Variants in PHF12 observed in about 807,000 individuals in gnomAD.
PHF12 encodes PHD finger protein 12.
In PHF12, 6 loss-of-function variants were observed where a neutral mutation model predicts 99.8. The ratio of observed to expected loss-of-function variants is 0.06; its 90% CI spans 0.03 to 0.12. The LOEUF is 0.12. Ranked by LOEUF, PHF12 falls within the 10% of genes least tolerant of loss-of-function variation. The pLI is 1.00. For synonymous variants in PHF12, 480 were observed against 514.9 expected (o/e 0.93, Z 0.92); for missense variants, 954 against 1,300.1 (o/e 0.73, Z 4.09).
In PHF12 at chr17:28,950,550, G is replaced by A. The variant is rs1047324062; in HGVS notation, c.67-304C>T. On this transcript the variant is annotated intron_variant, in intron 1 of 14. Coordinates refer to ENST00000332830, the MANE Select transcript of PHF12 (RefSeq NM_001033561.2). This position sits in a 1 kb window ranked among gnomAD's most constrained non-coding sequence, Gnocchi z 5.7. The stretch of plus-strand genomic sequence containing the variant: ...TGTATGGACAGTGGGGGACTCCAAA[G>A]ACCCGCTCGGGAGAGGCCCAAAGCC... 57 of 519,464 alleles carry A rather than the reference G, an allele frequency of 1.1e-4. No individual in the cohort carries two copies. The highest frequency in any genetic ancestry group is 1.8e-4 in the Admixed American group (5 of 28,556). 32.2% of individuals were successfully genotyped at this position (519,464 alleles called of 1,614,324 possible). A position where few individuals can be genotyped will look rare whatever the true frequency, so the allele number is the denominator to read the frequency against.
At chr17:28,919,028 G>T in intron 6 of PHF12, 115 bp downstream of exon 6, 2 of 1,336,610 alleles carry the variant, frequency 1.5e-6, no homozygotes, top group Non-Finnish European at 2.0e-6. Context: ...GCAGAAACCA[G>T]TACCTATGAC....
rs894700491 is a variant in PHF12 at position 28,909,166 on chromosome 17, G to A, written c.2360-285C>T. ...CCTGGGCTCCTGGCTGGCTAATCCGGGATATTCCAGCTGGTACTATAGGGA... is the reference window on the plus strand; with the variant it reads ...CCTGGGCTCCTGGCTGGCTAATCCGAGATATTCCAGCTGGTACTATAGGGA... On this transcript the variant is annotated intron_variant, in intron 11 of 14. Transcript: ENST00000332830. 5 of 398,662 alleles carry A rather than the reference G, an allele frequency of 1.3e-5. No individual in the cohort carries two copies. The South Asian group carries it at 1.3e-4, about 10-fold the overall frequency. The allele number at this position is 398,662 out of a possible 1,614,324, so 24.7% of individuals were successfully genotyped here.
intron 3 of PHF12, chr17:28,926,016 T>C (rs1598141237): frequency 6.6e-6 from 1 of 152,214 alleles, no homozygotes. Flanking sequence ...TCTTGGAAGG[T>C]GGAGAGGCTG....
intron 2 of PHF12, among the ~76,000 whole-genome samples, chr17:28,939,344 G>A (rs138563134): frequency 6.6e-6 from 1 of 152,372 alleles, no homozygotes; most frequent in South Asian, 2.1e-4. Flanking sequence ...TAAGATCAGG[G>A]AAAGTTAAAT....
chr17:28,946,834 G>A (rs1055478101), intron 2 of PHF12, among the ~76,000 whole-genome samples: 2 of 151,896 alleles, frequency 1.3e-5, no homozygotes, highest in Non-Finnish European at 2.9e-5. Flanking sequence ...CACCATACTC[G>A]GCTTCAACCT....
Position 28,950,273 on chromosome 17 carries a change from T to A in PHF12, c.67-27A>T. On this transcript the variant is annotated intron_variant, in intron 1 of 14. Transcript: ENST00000332830. The surrounding 1 kb of genome is among the most constrained non-coding windows in gnomAD (Gnocchi z 5.7). ...TGCACACACATACAAACGGCGTGTG[T>A]GCACACTCGGAGCTCCCGGGCGGTC... The A allele has an allele frequency of 6.3e-7, 1 of 1,585,612 alleles. No individual in the cohort carries two copies. The highest frequency in any genetic ancestry group is 2.3e-5 in the East Asian group (1 of 43,830).
At chr17:28,907,312 A>G in intron 13 of PHF12, 1 of 529,574 alleles carries the variant, frequency 1.9e-6, no homozygotes, top group East Asian at 3.3e-5. Flanking sequence ...GCTTCCTTCT[A>G]TGCTGGTCCC....
chr17:28,907,625 C>A lies in PHF12; in HGVS notation c.2506G>T (p.Val836Leu). 1 of 1,613,974 alleles carries A rather than the reference C, an allele frequency of 6.2e-7. No individual in the cohort carries two copies. Among genetic ancestry groups the A allele is most frequent in the Non-Finnish European group, 8.5e-7 (1 of 1,179,920 alleles). The part of the protein sequence containing the change: ...CLTNYGHCNY[V>L]SGKHACIFYD... ...AATATGCAGGCATGTTTCCCGGACACGTAGTTACAGTGACCATAGTTTGTA... is the reference window on the plus strand; with the variant it reads ...AATATGCAGGCATGTTTCCCGGACAAGTAGTTACAGTGACCATAGTTTGTA... Residue 836 changes from valine (V) to leucine (L), a missense_variant, in exon 13 of 15, where the codon GTG becomes TTG. By Grantham distance (32) the Val-to-Leu change is conservative. Around this residue, in one of 8 missense-constraint regions of PHF12, gnomAD observed 143 missense variants for 191.8 expected, o/e 0.75. Coordinates refer to ENST00000332830, the MANE Select transcript of PHF12 (RefSeq NM_001033561.2).
chr17:28,908,480 A>C (rs942673345), intron 12 of PHF12: 2 of 315,714 alleles, frequency 6.3e-6, no homozygotes, highest in East Asian at 6.2e-5. Flanking sequence ...TAGCCCAGCT[A>C]ATTTTTTATA....
intron 3 of PHF12, 168 bp from the exon 4 acceptor site, chr17:28,924,470 C>A (rs2152667224): frequency 3.6e-6 from 3 of 835,544 alleles, no homozygotes; most frequent in Non-Finnish European, 5.6e-6. Context: ...TGACACAACT[C>A]TAACTGAACT....
At chr17:28,942,475 G>A (rs2040635765) in intron 2 of PHF12, among the ~76,000 whole-genome samples, 1 of 152,046 alleles carries the variant, frequency 6.6e-6, no homozygotes, top group Non-Finnish European at 1.5e-5. Context: ...AGTTATGACT[G>A]TGCCACTGCC....
At chr17:28,911,797 T>A (rs2039965568) in intron 9 of PHF12, among the ~76,000 whole-genome samples, 1 of 152,084 alleles carries the variant, frequency 6.6e-6, no homozygotes, top group South Asian at 2.1e-4. Flanking sequence ...ATCTGAAACC[T>A]GGTTCAGATG....
rs557790681 is a variant in PHF12, at chr17:28,921,353, G to A, written c.836+335C>T. The stretch of plus-strand genomic sequence containing the variant: ...CATTAAAAAAATTTTTTTTTGTAGA[G>A]ACAAGGTTTCACTGTGTTGCCCAGG... On this transcript the variant is annotated intron_variant, in intron 5 of 14. Coordinates refer to ENST00000332830, the MANE Select transcript of PHF12 (RefSeq NM_001033561.2). Among the ~76,000 whole-genome samples, 3 of 152,046 alleles carry A rather than the reference G, an allele frequency of 2.0e-5. No individual in the cohort carries two copies. In the South Asian group the frequency reaches 6.2e-4, roughly 32 times the overall value.
intron 11 of PHF12, 125 bp from the exon 12 acceptor site, chr17:28,909,006 C>T (rs978181790): frequency 1.2e-6 from 1 of 863,490 alleles, no homozygotes; most frequent in Non-Finnish European, 1.9e-6. Flanking sequence ...ACTCATCTTT[C>T]CAAACTCACA....
rs1214983529 is a variant in PHF12 at position 28,949,927 on chromosome 17, G to A, written c.248+138C>T. 6 of 1,007,106 alleles carry A rather than the reference G, an allele frequency of 6.0e-6. No homozygotes were observed. In the East Asian group the frequency reaches 1.6e-4, roughly 27 times the overall value. 62.4% of individuals were successfully genotyped at this position (1,007,106 alleles called of 1,614,324 possible). On this transcript the variant is annotated intron_variant, in intron 2 of 14. Transcript: ENST00000332830. This position sits in a 1 kb window ranked among gnomAD's most constrained non-coding sequence, Gnocchi z 4.6. Reference sequence around the variant, plus strand: ...CCCGGCGGACACCTGGGGGCGGGGAGGTGCTCGCCCCGGCAGCTGCAGAAA... The same window carrying A: ...CCCGGCGGACACCTGGGGGCGGGGAAGTGCTCGCCCCGGCAGCTGCAGAAA...
At chr17:28,910,928 T>G (rs2039947952) in intron 10 of PHF12, 184 bp downstream of exon 10, 1 of 754,390 alleles carries the variant, frequency 1.3e-6, no homozygotes, top group East Asian at 2.8e-5. Context: ...AAGGCAGAGC[T>G]ACAGAAGGAG....
At chr17:28,933,458 T>C (rs1006519498) in intron 2 of PHF12, among the ~76,000 whole-genome samples, 1 of 152,240 alleles carries the variant, frequency 6.6e-6, no homozygotes, top group African/African-American at 2.4e-5. Flanking sequence ...CAAATCAAAG[T>C]TTCCTGGCTC....
chr17:28,948,170 T>A (rs1012974625), intron 2 of PHF12, among the ~76,000 whole-genome samples: 1 of 152,234 alleles, frequency 6.6e-6, no homozygotes, highest in African/African-American at 2.4e-5. Flanking sequence ...AAATTCTCAC[T>A]CAACATGCAT....
rs1474872884 is a variant in PHF12, at chr17:28,949,426, GA to G, written c.248+638del. Among the ~76,000 whole-genome samples, 15 of 152,358 alleles carry G rather than the reference GA, an allele frequency of 9.8e-5. No homozygotes were observed. In the East Asian group the frequency reaches 2.7e-3, roughly 27 times the overall value. On this transcript the variant is annotated intron_variant, in intron 2 of 14. Coordinates refer to ENST00000332830, the MANE Select transcript of PHF12 (RefSeq NM_001033561.2). This position sits in a 1 kb window ranked among gnomAD's most constrained non-coding sequence, Gnocchi z 4.6. Reference sequence around the variant, plus strand: ...ACGGGGCCCCCGAGGAGCTTCTGCAGAAAGGACTCTGGGGCTGTCCCCACCG... The same window carrying G: ...ACGGGGCCCCCGAGGAGCTTCTGCAGAAGGACTCTGGGGCTGTCCCCACCG...
Sources: allele counts gnomAD v4.1 joint callset (sites outside exome capture counted in the v4.1 genomes callset), GRCh38; gene constraint gnomAD v4.1.1; regional missense constraint gnomAD v4.1.1; non-coding constraint Gnocchi (gnomAD v3.1); transcripts MANE v1.5; gene names NCBI Gene and HGNC (gene_info 2026-07-23, HGNC 2026-07-21).